KIF7: variants seen among roughly 807,000 people sequenced by gnomAD.
KIF7 encodes the protein kinesin-like protein KIF7.
KIF7 carries 104 observed loss-of-function variants against 135.7 expected under a neutral mutation model. The ratio of observed to expected loss-of-function variants is 0.77; its 90% CI spans 0.65 to 0.90. The LOEUF (loss-of-function observed/expected upper bound fraction) is 0.90, where lower values mean the gene tolerates loss of function less well. Among genes scored for constraint, KIF7 ranks in the 40% least tolerant of loss-of-function variants. The probability of loss-of-function intolerance (pLI) is 0.00; values close to 1 mark genes in which losing one functional copy is unlikely to be tolerated. For synonymous variants in KIF7, 883 were observed against 809.4 expected, an observed-to-expected ratio of 1.09 and a Z score of -1.54; for missense variants, 2,005 against 1,839.1, an observed-to-expected ratio of 1.09 and a Z score of -1.65.
intron 16 of KIF7, 94 bp downstream of exon 16, chr15:89,630,193 A>G: frequency 8.6e-7 from 1 of 1,164,526 alleles, no homozygotes; most frequent in Non-Finnish European, 1.3e-6. Flanking sequence ...CCAGTCTGGG[A>G]GGAAACGGGA....
intron 11 of KIF7, among the ~76,000 whole-genome samples, chr15:89,635,981 C>A (rs567223619): frequency 6.6e-6 from 1 of 151,974 alleles, no homozygotes; most frequent in African/African-American, 2.4e-5. Flanking sequence ...GCGGATCTCT[C>A]GGCAGAAACT....
chr15:89,624,253 C>T (rs753708184), downstream of KIF7: 3 of 1,614,232 alleles, frequency 1.9e-6, no homozygotes, highest in East Asian at 2.2e-5. Flanking sequence ...GTTTACCTCT[C>T]CTTTATGTGA....
chr15:89,649,633 G>C, intron 3 of KIF7, 108 bp downstream of exon 3: 1 of 1,280,364 alleles, frequency 7.8e-7, no homozygotes, highest in Admixed American at 2.3e-5. Context: ...CCAGGGCTTG[G>C]GTTTTCCATG....
chr15:89,632,094 T>C (rs1963692008), intron 14 of KIF7, among the ~76,000 whole-genome samples: 1 of 152,232 alleles, frequency 6.6e-6, no homozygotes, highest in South Asian at 2.1e-4. Context: ...AAGTGAGGGC[T>C]CTCCTGGCGG....
In KIF7 at chr15:89,645,904, T is replaced by A. The variant is rs779079784; in HGVS notation, c.1911A>T (p.Leu637Phe). ...TGGGTCCCACTCACCTGCGCAGGTG[T>A]AAGGTCCGCCTGGGCGGCTCCTCCT... ...EEEEEPPRRT[L>F]HLRRNRISNC... The change falls in exon 8 of 19, where the codon TTA becomes TTT. Residue 637 changes from leucine (L) to phenylalanine (F), a missense_variant. Coordinates refer to ENST00000394412, the MANE Select transcript of KIF7 (RefSeq NM_198525.3). The A allele has an allele frequency of 1.5e-5, 24 of 1,613,408 alleles. No individual in the cohort carries two copies. Among genetic ancestry groups the A allele is most frequent in the Non-Finnish European group, 1.4e-5 (16 of 1,179,944 alleles).
Position 89,629,601 on chromosome 15 carries a change from C to A in KIF7, c.3319-28G>T, listed in dbSNP as rs778620006. The A allele has an allele frequency of 3.1e-6, 5 of 1,601,740 alleles. No homozygotes were observed. In the South Asian group the frequency reaches 5.5e-5, roughly 18 times the overall value. Reference sequence around the variant, plus strand: ...GTCCCAAGACCCAGCCAGGCTCAGCCCTCATCATGACCCCTCTTCATCCAG... The same window carrying A: ...GTCCCAAGACCCAGCCAGGCTCAGCACTCATCATGACCCCTCTTCATCCAG... On this transcript the variant is annotated intron_variant, in intron 16 of 18. Transcript: ENST00000394412.
chr15:89,639,076 C>G (rs983367896), intron 11 of KIF7, among the ~76,000 whole-genome samples: 2 of 152,008 alleles, frequency 1.3e-5, no homozygotes, highest in African/African-American at 4.8e-5. Flanking sequence ...GCTGGGAAAA[C>G]TGGCTAGCCA....
At position 89,642,330 on chromosome 15, in the gene KIF7, C is replaced by T. The variant is rs749173316; in HGVS notation, c.2267G>A (p.Arg756Gln). ...CCTCTGGCCTTCACTCAGCTCGGCC[C>T]GCACCTGCTCTGCCTCCTGCTCCAG... ...RELEQEAEQV[R>Q]AELSEGQRQL... The change falls in exon 11 of 19, where the codon CGG (arginine) becomes CAG (glutamine). Residue 756 changes from arginine (R) to glutamine (Q), a missense_variant. Coordinates refer to ENST00000394412, the MANE Select transcript of KIF7 (RefSeq NM_198525.3). The T allele has an allele frequency of 9.3e-6, 15 of 1,610,468 alleles. No individual in the cohort carries two copies. The highest frequency in any genetic ancestry group is 1.8e-4 in the Middle Eastern group (1 of 5,666).
At chr15:89,643,412 C>G (rs1963956569) in intron 10 of KIF7, among the ~76,000 whole-genome samples, 1 of 152,162 alleles carries the variant, frequency 6.6e-6, no homozygotes, top group Admixed American at 6.5e-5. Context: ...ACATTATTTA[C>G]TAAACCTTTT....
chr15:89,626,002 C>T (rs144405496), downstream of KIF7: 11 of 1,611,840 alleles, frequency 6.8e-6, no homozygotes, highest in South Asian at 1.2e-4. Flanking sequence ...CAGGCTCTGA[C>T]CCAGTCTCCG....
In KIF7 at chr15:89,633,855, T is replaced by G; in HGVS notation, c.2423A>C (p.Glu808Ala). ...CTGGGCCGACAGTGACACCAGCCGC[T>G]CCGTAGCCTGCTTCTTCTCCTTCAG... Reference protein sequence around the residue: ...QVLKEKKQATERLVSLSAQSE... With the variant: ...QVLKEKKQATARLVSLSAQSE... Residue 808 changes from glutamate (E) to alanine (A), a missense_variant, in exon 12 of 19, where the codon GAG (glutamate) becomes GCG (alanine). By Grantham distance (107) the Glu-to-Ala change is moderately radical. Transcript: ENST00000394412. The G allele has an allele frequency of 6.2e-7, 1 of 1,613,794 alleles. No individual in the cohort carries two copies. Among genetic ancestry groups the G allele is most frequent in the Admixed American group, 1.7e-5 (1 of 60,026 alleles).
Position 89,628,124 on chromosome 15 carries a change from C to T in KIF7, c.*295G>A, listed in dbSNP as rs1320814194. 2 of 360,440 alleles carry T rather than the reference C, an allele frequency of 5.5e-6. No individual in the cohort carries two copies. Among genetic ancestry groups the T allele is most frequent in the African/African-American group, 4.1e-5 (2 of 48,366 alleles). The allele number at this position is 360,440 out of a possible 1,614,324, so 22.3% of individuals were successfully genotyped here. A position where few individuals can be genotyped will look rare whatever the true frequency, so the allele number is the denominator to read the frequency against. On this transcript the variant is annotated 3_prime_UTR_variant, in exon 19 of 19. Transcript: ENST00000394412. ...CTTGGCCAAACCCCTGAACTACAAG[C>T]ACATCCATTTACGCCTGAAACCAGA...
chr15:89,662,022 C>T, the KIF7 span, among the ~76,000 whole-genome samples: 262 of 152,202 alleles, frequency 1.7e-3, 3 homozygotes, highest in African/African-American at 6.0e-3. Flanking sequence ...GTGTGAGCCA[C>T]CTAATCAACA....
At chr15:89,633,113 C>G in intron 13 of KIF7, 28 bp downstream of exon 13, 1 of 1,601,488 alleles carries the variant, frequency 6.2e-7, no homozygotes, top group East Asian at 2.2e-5. Flanking sequence ...CCAGGGGAGC[C>G]CTGGGTGCGG....
intron 10 of KIF7, among the ~76,000 whole-genome samples, chr15:89,642,772 T>G (rs995780221): frequency 4.6e-5 from 7 of 152,198 alleles, no homozygotes; most frequent in African/African-American, 1.7e-4. Context: ...TTTTGCCATG[T>G]TGGCCAGGCT....
intron 11 of KIF7, among the ~76,000 whole-genome samples, chr15:89,640,701 T>C (rs903084037): frequency 6.6e-6 from 1 of 151,428 alleles, no homozygotes; most frequent in Non-Finnish European, 1.5e-5. Context: ...AAAAATAGGA[T>C]AGGCCAGGCA....
At chr15:89,621,699 G>T in intron 1 of KIF7, 1 of 689,702 alleles carries the variant, frequency 1.4e-6, no homozygotes, top group South Asian at 2.1e-5. Context: ...CCACATGAAT[G>T]ATTATTAGAC....
Position 89,649,224 on chromosome 15 carries a change from G to A in KIF7, c.673C>T (p.Leu225=). 1 of 1,546,452 alleles carries A rather than the reference G, an allele frequency of 6.5e-7. No homozygotes were observed. The highest frequency in any genetic ancestry group is 8.7e-7 in the Non-Finnish European group (1 of 1,145,328). The part of the protein sequence containing the change: ...SRSHTVFTVT[L]EQRGRAPSRL... ...CTGGGGGCGCGCCCCCGCTGCTCCAGGGTCACGGTGAAGACCGTGTGTGAG... is the reference window on the plus strand; with the variant it reads ...CTGGGGGCGCGCCCCCGCTGCTCCAAGGTCACGGTGAAGACCGTGTGTGAG... The change falls in exon 4 of 19, where the codon CTG becomes TTG. Residue 225 remains leucine, a synonymous_variant. Transcript: ENST00000394412.
chr15:89,630,432 T>C lies in KIF7; in HGVS notation c.3173A>G (p.Tyr1058Cys), dbSNP rs779655277. 15 of 1,598,182 alleles carry C rather than the reference T, an allele frequency of 9.4e-6. No individual in the cohort carries two copies. The highest frequency in any genetic ancestry group is 4.5e-5 in the East Asian group (2 of 44,350). The change falls in exon 16 of 19, where the codon TAT becomes TGT. Residue 1058 changes from tyrosine (Y) to cysteine (C), a missense_variant. By Grantham distance (194) the Tyr-to-Cys change is radical. Coordinates refer to ENST00000394412, the MANE Select transcript of KIF7 (RefSeq NM_198525.3). ...AIEALDAAIE[Y>C]KNEAITCRQR... ...GCGGCATGTGATGGCCTCATTCTTA[T>C]ACTCAATGGCAGCATCCAGGGCCTC... is the stretch of plus-strand genomic sequence containing the variant.
Sources: allele counts gnomAD v4.1 joint callset (sites outside exome capture counted in the v4.1 genomes callset), GRCh38; gene constraint gnomAD v4.1.1; transcripts MANE v1.5; gene names NCBI Gene and HGNC (gene_info 2026-07-23, HGNC 2026-07-21).